Variants in PDE6B observed in about 807,000 individuals in gnomAD.
The protein encoded by PDE6B is phosphodiesterase 6B.
In PDE6B, 106 loss-of-function variants were observed where a neutral mutation model predicts 109.0. The ratio of observed to expected loss-of-function variants is 0.97; its 90% CI spans 0.83 to 1.14. The LOEUF (loss-of-function observed/expected upper bound fraction) is 1.14, where lower values mean the gene tolerates loss of function less well. PDE6B is among the 50% of genes most tolerant of loss of function. The pLI is 0.00. For synonymous variants in PDE6B, 490 were observed against 471.3 expected (o/e 1.04, Z -0.51); for missense variants, 1,193 against 1,155.6 (o/e 1.03, Z -0.47).
At chr4:631,298 A>G (rs571643195) in intron 1 of PDE6B, among the ~76,000 whole-genome samples, 2 of 152,362 alleles carry the variant, frequency 1.3e-5, no homozygotes, top group East Asian at 3.9e-4. Context: ...TCTGAGATCC[A>G]GGAAGAAACT....
At chr4:660,686 G>T in intron 12 of PDE6B, 73 bp downstream of exon 12, 1 of 1,350,166 alleles carries the variant, frequency 7.4e-7, no homozygotes, top group Non-Finnish European at 1.1e-6. Context: ...ATGTGATCAG[G>T]GCCTCAGGTG....
At chr4:655,420 C>T in intron 6 of PDE6B, 1 of 283,580 alleles carries the variant, frequency 3.5e-6, no homozygotes, top group Non-Finnish European at 6.8e-6. Flanking sequence ...AGGCCCCAAG[C>T]AGGAACCAGG....
intron 8 of PDE6B, 94 bp from the exon 9 acceptor site, chr4:656,780 T>C (rs1736313151): frequency 3.4e-6 from 4 of 1,180,884 alleles, no homozygotes; most frequent in Middle Eastern, 2.4e-4. Context: ...GTCACGGCTC[T>C]AGGGGAGAAG....
intron 6 of PDE6B, 155 bp downstream of exon 6, chr4:655,043 G>A (rs1162357782): frequency 1.2e-5 from 8 of 672,612 alleles, no homozygotes; most frequent in Admixed American, 6.5e-5. Context: ...TGTGCCGTGG[G>A]GCATAGTGGA....
rs1560143800 is a variant in PDE6B, at chr4:669,737, GCTACCCCATGCTATTCCC to G, written c.2504-294_2504-277del. 9.8e-4 allele frequency among the ~76,000 whole-genome samples: 52 copies of G among 53,210 alleles called. No individual in the cohort carries two copies. In the South Asian group the frequency reaches 0.013, roughly 13 times the overall value. 34.9% of individuals were successfully genotyped at this position (53,210 alleles called of 152,430 possible). A position where few individuals can be genotyped will look rare whatever the true frequency, so the allele number is the denominator to read the frequency against. ...ATTCCCGCTACCCCATGCTATTCCC[GCTACCCCATGCTATTCCC>G]CTACCCCATGCTATCCCCCTACCCC... On this transcript the variant is annotated intron_variant, in intron 21 of 21. Transcript: ENST00000496514.
chr4:663,882 C>T lies in PDE6B; in HGVS notation c.2021+12C>T. ...GCCCTGTACTTCAAGTGCGCGCCTTCCGGGAGGGGGCGCCTCGCGGGGCGG... is the reference window on the plus strand; with the variant it reads ...GCCCTGTACTTCAAGTGCGCGCCTTTCGGGAGGGGGCGCCTCGCGGGGCGG... On this transcript the variant is annotated intron_variant, in intron 16 of 21. Transcript: ENST00000496514. This position sits in a 1 kb window ranked among gnomAD's most constrained non-coding sequence, Gnocchi z 4.0. 6.3e-7 allele frequency: 1 copy of T among 1,590,362 alleles called. No individual in the cohort carries two copies. The highest frequency in any genetic ancestry group is 8.6e-7 in the Non-Finnish European group (1 of 1,164,694).
Position 663,245 on chromosome 4 carries a change from A to G in PDE6B, c.1920+58A>G. ...GCGCTGGGGACGCAGCGTCCGCAGG[A>G]CGGCAGGGCCGTATCCTGCGGAGCA... is the stretch of plus-strand genomic sequence containing the variant. On this transcript the variant is annotated intron_variant, in intron 15 of 21. Coordinates refer to ENST00000496514, the MANE Select transcript of PDE6B (RefSeq NM_000283.4). The surrounding 1 kb of genome is among the most constrained non-coding windows in gnomAD (Gnocchi z 4.0). 1 of 970,848 alleles carries G rather than the reference A, an allele frequency of 1.0e-6. No homozygotes were observed. The highest frequency in any genetic ancestry group is 1.3e-5 in the South Asian group (1 of 78,256). 60.1% of individuals were successfully genotyped at this position (970,848 alleles called of 1,614,324 possible). A position where few individuals can be genotyped will look rare whatever the true frequency, so the allele number is the denominator to read the frequency against.
chr4:654,828 T>C lies in PDE6B; in HGVS notation c.932T>C (p.Ile311Thr), dbSNP rs886059543. Residue 311 changes from isoleucine to threonine, a missense_variant, in exon 6 of 22, where the codon ATT becomes ACT. Ile to Thr is a moderately conservative substitution (Grantham distance 89). Coordinates refer to ENST00000496514, the MANE Select transcript of PDE6B (RefSeq NM_000283.4). ...SGPRTPDGRE[I>T]VFYKVIDYVL... ...CCAGTGTCTTCTGCTTCTCAGGAAATTGTCTTCTACAAAGTGATCGACTAC... is the reference window on the plus strand; with the variant it reads ...CCAGTGTCTTCTGCTTCTCAGGAAACTGTCTTCTACAAAGTGATCGACTAC... 1.3e-6 allele frequency: 2 copies of C among 1,541,492 alleles called. No homozygotes were observed. Among genetic ancestry groups the C allele is most frequent in the Non-Finnish European group, 9.0e-7 (1 of 1,113,830 alleles).
chr4:635,365 G>C (rs1181033657), intron 2 of PDE6B, among the ~76,000 whole-genome samples: 6 of 131,938 alleles, frequency 4.5e-5, no homozygotes, highest in Non-Finnish European at 7.8e-5. Context: ...CTGCCCGCGT[G>C]TTCTGTGCCA....
Position 670,529 on chromosome 4 carries a change from ACCACGC to A in PDE6B, c.*426_*431del. ...AGTGCTGGGATTACAGGCATGAGCC[ACCACGC>A]CCAGCCTGTTTTTATAAACTGAAGC... On this transcript the variant is annotated 3_prime_UTR_variant, in exon 22 of 22. Coordinates refer to ENST00000496514, the MANE Select transcript of PDE6B (RefSeq NM_000283.4). 1 of 218,300 alleles carries A rather than the reference ACCACGC, an allele frequency of 4.6e-6. No individual in the cohort carries two copies. Among genetic ancestry groups the A allele is most frequent in the Non-Finnish European group, 9.4e-6 (1 of 106,784 alleles). 13.5% of individuals were successfully genotyped at this position (218,300 alleles called of 1,614,324 possible).
rs1044946345 is a variant in PDE6B, at chr4:648,728, C to T, written c.712-5124C>T. Among the ~76,000 whole-genome samples, 4 of 152,376 alleles carry T rather than the reference C, an allele frequency of 2.6e-5. No individual in the cohort carries two copies. The highest frequency in any genetic ancestry group is 7.2e-5 in the African/African-American group (3 of 41,598). The stretch of plus-strand genomic sequence containing the variant: ...TGACCTGTCACGGCAGCTGCCTGTT[C>T]GGCTTAGTGGAGCAATTCTCACCGC... On this transcript the variant is annotated intron_variant, in intron 3 of 21. Transcript: ENST00000496514. This position sits in a 1 kb window ranked among gnomAD's most constrained non-coding sequence, Gnocchi z 4.5.
At position 654,888 on chromosome 4, in the gene PDE6B, C is replaced by T. The variant is rs146116505; in HGVS notation, c.992C>T (p.Pro331Leu). 7 of 1,508,782 alleles carry T rather than the reference C, an allele frequency of 4.6e-6. No individual in the cohort carries two copies. The African/African-American group carries it at 5.5e-5, about 12-fold the overall frequency. 93.5% of individuals were successfully genotyped at this position (1,508,782 alleles called of 1,614,324 possible). The stretch of plus-strand genomic sequence containing the variant: ...GGCAAGGAGGAGATCAAGGTCATTC[C>T]GTAAGTGCAGGATTTTACCAGAAGC... The part of the protein sequence containing the change: ...LHGKEEIKVI[P>L]TPSADHWALA... Residue 331 changes from proline to leucine, a missense_variant and splice_region_variant, in exon 6 of 22, where the codon CCC becomes CTC. By Grantham distance (98) the Pro-to-Leu change is moderately conservative. Transcript: ENST00000496514.
intron 6 of PDE6B, 113 bp downstream of exon 6, chr4:655,001 C>A: frequency 1.3e-6 from 1 of 780,474 alleles, no homozygotes; most frequent in African/African-American, 1.7e-5. Context: ...TCAGCAGCAC[C>A]GGCCTGGCCT....
intron 10 of PDE6B, among the ~76,000 whole-genome samples, chr4:658,238 A>G (rs1354786697): frequency 1.3e-5 from 1 of 77,884 alleles, no homozygotes; most frequent in African/African-American, 5.0e-5. Context: ...GGGGTCATGG[A>G]TCTGTGGCAG....
Position 666,775 on chromosome 4 carries a change from T to C in PDE6B, c.2352+161T>C, listed in dbSNP as rs1737852605. On this transcript the variant is annotated intron_variant, in intron 20 of 21. Transcript: ENST00000496514. This position sits in a 1 kb window ranked among gnomAD's most constrained non-coding sequence, Gnocchi z 5.6. ...TCGTGCCGCTCTTGAGTGGGGCAAA[T>C]GGGGAGGAACATCAGTTTCCGGACC... Among the ~76,000 whole-genome samples, 1 of 151,910 alleles carries C rather than the reference T, an allele frequency of 6.6e-6. No individual in the cohort carries two copies. The highest frequency in any genetic ancestry group is 1.5e-5 in the Non-Finnish European group (1 of 67,962).
chr4:664,146 A>T lies in PDE6B; in HGVS notation c.2054A>T (p.Glu685Val). The change falls in exon 17 of 22, where the codon GAG becomes GTG. Residue 685 changes from glutamate (E) to valine (V), a missense_variant. By Grantham distance (121) the Glu-to-Val change is moderately radical. Transcript: ENST00000496514. ...GCGATGTTTCAGAAGATCGTGGATG[A>T]GTCCAAGAACTACCAGGACAAGAAG... ...KRAMFQKIVD[E>V]SKNYQDKKSW... 1 of 1,611,276 alleles carries T rather than the reference A, an allele frequency of 6.2e-7. No individual in the cohort carries two copies. The highest frequency in any genetic ancestry group is 8.5e-7 in the Non-Finnish European group (1 of 1,177,600).
rs745651568 is a variant in PDE6B, at chr4:656,858, G to C, written c.1108-16G>C. ...AGCCTCAGGGCGGAGCTCAGCTCTG[G>C]ACACCGCTCCCGCAGGAAGGGGCCC... On this transcript the variant is annotated splice_polypyrimidine_tract_variant and intron_variant, in intron 8 of 21. Transcript: ENST00000496514. The C allele has an allele frequency of 1.2e-6, 2 of 1,612,394 alleles. No individual in the cohort carries two copies. The highest frequency in any genetic ancestry group is 1.7e-6 in the Non-Finnish European group (2 of 1,179,710).
chr4:657,042 G>GT lies in PDE6B; in HGVS notation c.1257+20dup. 1 of 1,611,488 alleles carries GT rather than the reference G, an allele frequency of 6.2e-7. No homozygotes were observed. Among genetic ancestry groups the GT allele is most frequent in the Non-Finnish European group, 8.5e-7 (1 of 1,178,674 alleles). ...CATGGAGGTAAGCACCTGGGCAGAC[G>GT]TGGTTCCGCCGGGGATGCCCTGCGA... On this transcript the variant is annotated intron_variant, in intron 9 of 21. Coordinates refer to ENST00000496514, the MANE Select transcript of PDE6B (RefSeq NM_000283.4).
chr4:654,493 C>T, intron 5 of PDE6B: 1 of 585,260 alleles, frequency 1.7e-6, no homozygotes, highest in South Asian at 1.9e-5. Context: ...GAGTACGGGC[C>T]CAGCTTGTGT....
Sources: allele counts gnomAD v4.1 joint callset (sites outside exome capture counted in the v4.1 genomes callset), GRCh38; gene constraint gnomAD v4.1.1; non-coding constraint Gnocchi (gnomAD v3.1); transcripts MANE v1.5; gene names NCBI Gene and HGNC (gene_info 2026-07-23, HGNC 2026-07-21).